The following CYP4Z1 variants were observed in gnomAD, a reference collection of about 807,000 sequenced individuals.
CYP4Z1 encodes cytochrome P450 family 4 subfamily Z member 1.
In CYP4Z1, 41 loss-of-function variants were observed where a neutral mutation model predicts 54.2. That is an observed-to-expected ratio of 0.76 (90% CI 0.59 to 0.98). The LOEUF (loss-of-function observed/expected upper bound fraction) is 0.98. Ranked by LOEUF, CYP4Z1 falls within the 50% of genes least tolerant of loss-of-function variation. The pLI, the probability that CYP4Z1 is intolerant of heterozygous loss-of-function variation, is 0.00. For missense variants in CYP4Z1, 513 were observed against 599.0 expected (o/e 0.86, Z 1.50); for synonymous variants, 163 against 206.2 (o/e 0.79, Z 1.79).
rs754793906 is a variant in CYP4Z1, at chr1:47,068,665, A to C, written c.221A>C (p.Glu74Ala). Residue 74 changes from glutamate to alanine, a missense_variant, in exon 2 of 12, where the codon GAA becomes GCA. Physicochemically the swap from Glu to Ala is moderately radical, Grantham distance 107 (BLOSUM62 -1). Coordinates refer to ENST00000334194, the MANE Select transcript of CYP4Z1 (RefSeq NM_178134.3). ...TTTGAGGTGTATCATAAGCTGATGGAAAAATACCCATGTGCTGTTCCCTTG... is the reference window on the plus strand; with the variant it reads ...TTTGAGGTGTATCATAAGCTGATGGCAAAATACCCATGTGCTGTTCCCTTG... ...KEFEVYHKLM[E>A]KYPCAVPLWV... 2 of 1,614,090 alleles carry C rather than the reference A, an allele frequency of 1.2e-6. No homozygotes were observed. Among genetic ancestry groups the C allele is most frequent in the Admixed American group, 3.3e-5 (2 of 60,022 alleles).
chr1:47,057,335 A>AAAAAAAAAAAAAT, the CYP4Z1 span, among the ~76,000 whole-genome samples: 55 of 28,436 alleles, frequency 1.9e-3, no homozygotes, highest in South Asian at 4.6e-3. Flanking sequence ...AAGAAAAAAA[A>AAAAAAAAAAAAAT]ATATATATAT....
intron 9 of CYP4Z1, among the ~76,000 whole-genome samples, chr1:47,107,476 G>A (rs565582120): frequency 1.8e-4 from 27 of 151,760 alleles, no homozygotes; most frequent in African/African-American, 5.6e-4. Flanking sequence ...TTTTTCACAT[G>A]GTATTTATTG....
At chr1:47,057,630 T>C in the CYP4Z1 span, among the ~76,000 whole-genome samples, 63,152 of 150,364 alleles carry the variant, frequency 0.42, 14,634 homozygotes, top group East Asian at 0.97. Flanking sequence ...CTTCTAAGTT[T>C]TAGACTTTTC....
At chr1:47,108,721 A>G (rs368822441) in intron 9 of CYP4Z1, among the ~76,000 whole-genome samples, 53 of 151,826 alleles carry the variant, frequency 3.5e-4, no homozygotes, top group African/African-American at 1.1e-3. Context: ...TGTTCTGAGC[A>G]TACTATGATG....
At chr1:47,098,933 TGTTAAG>T (rs1456796171) in intron 7 of CYP4Z1, among the ~76,000 whole-genome samples, 155 bp from the exon 8 acceptor site, 1 of 152,238 alleles carries the variant, frequency 6.6e-6, no homozygotes, top group Admixed American at 6.5e-5. Flanking sequence ...CCTGGTGTTC[TGTTAAG>T]GTTTGAAAAA....
chr1:47,112,987 T>C (rs2148542544), intron 9 of CYP4Z1, among the ~76,000 whole-genome samples: 1 of 151,126 alleles, frequency 6.6e-6, no homozygotes, highest in South Asian at 2.1e-4. Flanking sequence ...ATCTCCCAAG[T>C]AGCTGACTAG....
intron 6 of CYP4Z1, among the ~76,000 whole-genome samples, chr1:47,085,273 A>C (rs1644584082): frequency 6.6e-6 from 1 of 152,012 alleles, no homozygotes; most frequent in African/African-American, 2.4e-5. Flanking sequence ...AGAAAAGTAA[A>C]AGTGAAAGGA....
At chr1:47,115,425 A>T in intron 9 of CYP4Z1, 104 bp from the exon 10 acceptor site, 1 of 1,006,336 alleles carries the variant, frequency 9.9e-7, no homozygotes, top group Non-Finnish European at 1.5e-6. Flanking sequence ...GTGCATATGT[A>T]CCCTAAAACT....
rs2148543789 is a variant in CYP4Z1, at chr1:47,115,542, T to C, written c.1215T>C (p.Phe405=). The C allele has an allele frequency of 6.2e-7, 1 of 1,613,612 alleles. No homozygotes were observed. Among genetic ancestry groups the C allele is most frequent in the Non-Finnish European group, 8.5e-7 (1 of 1,179,744 alleles). The part of the protein sequence containing the change: ...GRSLPAGITV[F]INIWALHHNP... Reference sequence around the variant, plus strand: ...CTGTTTACTCAGGAATAACTGTGTTTATCAATATTTGGGCTCTTCACCACA... The same window carrying C: ...CTGTTTACTCAGGAATAACTGTGTTCATCAATATTTGGGCTCTTCACCACA... Residue 405 remains phenylalanine (F), a synonymous_variant, in exon 10 of 12, where the codon TTT becomes TTC. Coordinates refer to ENST00000334194, the MANE Select transcript of CYP4Z1 (RefSeq NM_178134.3).
chr1:47,104,185 G>A (rs1644740447), intron 8 of CYP4Z1, among the ~76,000 whole-genome samples: 1 of 152,216 alleles, frequency 6.6e-6, no homozygotes, highest in Non-Finnish European at 1.5e-5. Context: ...GGCATGTGCA[G>A]TAGTGTAATC....
intron 8 of CYP4Z1, among the ~76,000 whole-genome samples, chr1:47,104,760 T>C (rs1021074728): frequency 2.0e-5 from 3 of 152,114 alleles, no homozygotes; most frequent in African/African-American, 7.2e-5. Flanking sequence ...GGAGCCAGCC[T>C]GAGCAGATCT....
intron 4 of CYP4Z1, among the ~76,000 whole-genome samples, chr1:47,084,243 C>A (rs1644575816): frequency 6.6e-6 from 1 of 152,010 alleles, no homozygotes; most frequent in South Asian, 2.1e-4. Flanking sequence ...TTTTAGGGAT[C>A]TTTTCCTAGA....
chr1:47,107,613 C>T (rs1316465014), intron 9 of CYP4Z1, among the ~76,000 whole-genome samples: 1 of 151,978 alleles, frequency 6.6e-6, no homozygotes, highest in Non-Finnish European at 1.5e-5. Flanking sequence ...TCAATAATAC[C>T]TAAATCCTGT....
chr1:47,064,502 G>T (rs1295894176), upstream of CYP4Z1, among the ~76,000 whole-genome samples: 1 of 152,094 alleles, frequency 6.6e-6, no homozygotes, highest in Non-Finnish European at 1.5e-5. Context: ...AATGCTGAGA[G>T]AATTCACTAC....
chr1:47,118,089 T>C lies in CYP4Z1; in HGVS notation c.*155T>C. 1 of 774,518 alleles carries C rather than the reference T, an allele frequency of 1.3e-6. No homozygotes were observed. The highest frequency in any genetic ancestry group is 3.2e-5 in the South Asian group (1 of 31,002). The allele number at this position is 774,518 out of a possible 1,614,324, so 48.0% of individuals were successfully genotyped here. A position where few individuals can be genotyped will look rare whatever the true frequency, so the allele number is the denominator to read the frequency against. On this transcript the variant is annotated 3_prime_UTR_variant, in exon 12 of 12. Coordinates refer to ENST00000334194, the MANE Select transcript of CYP4Z1 (RefSeq NM_178134.3). The stretch of plus-strand genomic sequence containing the variant: ...TGGTTTTGACATCCATTAACAGTAA[T>C]TTTAATTTCTTTGCTGTATCTGGTG...
rs550933685 is a variant in CYP4Z1 at position 47,108,384 on chromosome 1, C to T, written c.1201+2123C>T. 5.6e-4 allele frequency among the ~76,000 whole-genome samples: 85 copies of T among 152,346 alleles called. 2 individuals carry two copies. In the South Asian group the frequency reaches 0.016, roughly 28 times the overall value. ...TCAACCAGCATTAAATTCCTCTATACGCTTTCTCTGCCCTGCTAATGGGCC... is the reference window on the plus strand; with the variant it reads ...TCAACCAGCATTAAATTCCTCTATATGCTTTCTCTGCCCTGCTAATGGGCC... On this transcript the variant is annotated intron_variant, in intron 9 of 11. Transcript: ENST00000334194.
In CYP4Z1 at chr1:47,102,701, G is replaced by T. The variant is rs114886081; in HGVS notation, c.1067+3417G>T. Among the ~76,000 whole-genome samples, 1,018 of 152,232 alleles carry T rather than the reference G, an allele frequency of 6.7e-3. 8 individuals carry two copies. The highest frequency in any genetic ancestry group is 0.023 in the African/African-American group (946 of 41,532). Reference sequence around the variant, plus strand: ...GAAATCTACTGTTAGCCTAATGGAGGTTTCTTTATAAGTGACTAGTGACTA... The same window carrying T: ...GAAATCTACTGTTAGCCTAATGGAGTTTTCTTTATAAGTGACTAGTGACTA... On this transcript the variant is annotated intron_variant, in intron 8 of 11. Coordinates refer to ENST00000334194, the MANE Select transcript of CYP4Z1 (RefSeq NM_178134.3).
At chr1:47,068,398 G>A (rs1644466006) in intron 1 of CYP4Z1, among the ~76,000 whole-genome samples, 1 of 152,146 alleles carries the variant, frequency 6.6e-6, no homozygotes, top group African/African-American at 2.4e-5. Context: ...GGAGTGAGAA[G>A]ACCAATCGCT....
chr1:47,064,868 G>A (rs945546214), upstream of CYP4Z1, among the ~76,000 whole-genome samples: 2 of 152,060 alleles, frequency 1.3e-5, no homozygotes, highest in Non-Finnish European at 2.9e-5. Flanking sequence ...CTATGCAAAT[G>A]GACACCAAAA....
Sources: gnomAD v4.1 joint callset for allele counts (sites outside exome capture counted in the v4.1 genomes callset) on GRCh38, gnomAD v4.1.1 for gene constraint, MANE v1.5 for transcripts, NCBI Gene and HGNC (gene_info 2026-07-23, HGNC 2026-07-21) for gene names.